Variants in PON3 observed in about 807,000 individuals in gnomAD.
PON3 encodes serum paraoxonase/lactonase 3.
Under a neutral mutation model 36.3 loss-of-function variants are expected in PON3, and 37 were observed. The observed-to-expected ratio is 1.02, with a 90% confidence interval of 0.78 to 1.34. PON3 has a LOEUF of 1.34. Ranked by LOEUF, PON3 falls within the 40% of genes most tolerant of loss-of-function variation. PON3 has a pLI of 0.00. For synonymous variants in PON3, 155 were observed against 154.8 expected, an observed-to-expected ratio of 1.00 and a Z score of -0.01; for missense variants, 415 against 426.5, an observed-to-expected ratio of 0.97 and a Z score of 0.24.
At chr7:95,396,240 AAG>A (rs17879761) in intron 1 of PON3, 35 bp downstream of exon 1, 23,924 of 1,606,742 alleles carry the variant, frequency 0.015, 519 homozygotes, top group African/African-American at 0.097. Flanking sequence ...AGAGGAGAGA[AAG>A]AGAGTCGAAG....
intron 3 of PON3, among the ~76,000 whole-genome samples, chr7:95,375,584 T>G (rs1808899307): frequency 1.3e-5 from 2 of 152,220 alleles, no homozygotes; most frequent in Middle Eastern, 3.4e-3. Context: ...CAATGGCAAG[T>G]ACCTTGGTAG....
chr7:95,383,546 T>G (rs1045671899), intron 3 of PON3, among the ~76,000 whole-genome samples: 2 of 152,102 alleles, frequency 1.3e-5, no homozygotes, highest in Admixed American at 1.3e-4. Flanking sequence ...ACAAGCATTC[T>G]TATACACCAA....
At position 95,362,476 on chromosome 7, in the gene PON3, G is replaced by A; in HGVS notation, c.792C>T (p.Gly264=). 11 of 1,613,674 alleles carry A rather than the reference G, an allele frequency of 6.8e-6. No homozygotes were observed. The highest frequency in any genetic ancestry group is 9.3e-6 in the Non-Finnish European group (11 of 1,179,768). ...DLTQLKVIQL[G]TLVDNLTVDP... ...CGACAGTCAGGTTATCCACTAAGGT[G>A]CCCAACTGTATCACCTTACAACAAA... The change falls in exon 8 of 9, where the codon GGC becomes GGT. Residue 264 remains glycine (G), a synonymous_variant. Transcript: ENST00000265627.
chr7:95,380,923 A>G (rs1184318742), intron 3 of PON3, among the ~76,000 whole-genome samples: 5 of 152,210 alleles, frequency 3.3e-5, no homozygotes, highest in African/African-American at 4.8e-5. Flanking sequence ...GGTTGAAATG[A>G]AGGAAAAAAT....
At chr7:95,373,529 G>T (rs1808853504) in intron 3 of PON3, among the ~76,000 whole-genome samples, 1 of 152,148 alleles carries the variant, frequency 6.6e-6, no homozygotes, top group South Asian at 2.1e-4. Context: ...CTGGAGAAGG[G>T]ATTGGCATGT....
At chr7:95,394,449 G>A (rs1036824620) in intron 2 of PON3, among the ~76,000 whole-genome samples, 195 bp downstream of exon 2, 1 of 152,138 alleles carries the variant, frequency 6.6e-6, no homozygotes, top group Non-Finnish European at 1.5e-5. Context: ...GTAAGGAAAT[G>A]TGCTGAGAAA....
At chr7:95,390,783 G>A (rs953434429) in intron 2 of PON3, among the ~76,000 whole-genome samples, 1 of 152,132 alleles carries the variant, frequency 6.6e-6, no homozygotes, top group African/African-American at 2.4e-5. Flanking sequence ...GTAAGAGCTA[G>A]TTTTCAGCAT....
rs1359881917 is a variant in PON3, at chr7:95,396,299, CG to C, written c.51del (p.Glu19ArgfsTer10). On this transcript the variant is annotated frameshift_variant, in exon 1 of 9. Coordinates refer to ENST00000265627, the MANE Select transcript of PON3 (RefSeq NM_000940.3). LOFTEE classifies it high-confidence loss of function. The part of the protein sequence containing the change: ...LVLLGVGLSL[V>X]GEMFLAFRER... Reference sequence around the variant, plus strand: ...CACCTAAACGCCAGGAACATCTCCCCGACTAAGGACAGGCCGACCCCCAGCA... The same window carrying C: ...CACCTAAACGCCAGGAACATCTCCCCACTAAGGACAGGCCGACCCCCAGCA... 6.2e-7 allele frequency: 1 copy of C among 1,613,986 alleles called. No homozygotes were observed.
intron 3 of PON3, among the ~76,000 whole-genome samples, chr7:95,378,123 A>G (rs377366485): frequency 6.6e-6 from 1 of 152,174 alleles, no homozygotes; most frequent in Admixed American, 6.5e-5. Context: ...ACAAGCTTCA[A>G]TAGCCGATTT....
intron 3 of PON3, among the ~76,000 whole-genome samples, chr7:95,376,154 G>T (rs1361641233): frequency 6.6e-6 from 1 of 152,130 alleles, no homozygotes; most frequent in Non-Finnish European, 1.5e-5. Flanking sequence ...CATTGAAGAG[G>T]CACCTCACCC....
chr7:95,388,094 T>A (rs774051292), intron 3 of PON3, among the ~76,000 whole-genome samples: 3 of 149,284 alleles, frequency 2.0e-5, no homozygotes, highest in Non-Finnish European at 4.4e-5. Flanking sequence ...ACAAATGGGA[T>A]CTAATTAAAC....
chr7:95,362,983 A>C, intron 6 of PON3, 142 bp from the exon 7 acceptor site: 1 of 676,124 alleles, frequency 1.5e-6, no homozygotes, highest in South Asian at 1.6e-5. Flanking sequence ...AAAGAAGATA[A>C]TGGGGTAGTA....
rs376600550 is a variant in PON3 at position 95,360,085 on chromosome 7, G to A, written c.953C>T (p.Thr318Ile). The A allele has an allele frequency of 1.2e-6, 2 of 1,613,658 alleles. No individual in the cohort carries two copies. The change falls in exon 9 of 9, where the codon ACC (threonine) becomes ATC (isoleucine). Residue 318 changes from threonine (T) to isoleucine (I), a missense_variant. By Grantham distance (89) the Thr-to-Ile change is moderately conservative. Coordinates refer to ENST00000265627, the MANE Select transcript of PON3 (RefSeq NM_000940.3). The stretch of plus-strand genomic sequence containing the variant: ...CACAGAGCCATTGTTGGCATACACG[G>A]TGCTCACCCTGGGCTTCTCAGACAA... ...NVLSEKPRVS[T>I]VYANNGSVLQ... is the part of the protein sequence containing the mutation.
intron 4 of PON3, among the ~76,000 whole-genome samples, chr7:95,368,886 A>T (rs1242541099): frequency 6.6e-6 from 1 of 152,088 alleles, no homozygotes; most frequent in Non-Finnish European, 1.5e-5. Flanking sequence ...ATCCCATGCA[A>T]TGAAATAGTT....
chr7:95,379,651 G>C (rs945145893), intron 3 of PON3, among the ~76,000 whole-genome samples: 17 of 152,222 alleles, frequency 1.1e-4, no homozygotes, highest in Non-Finnish European at 2.9e-5. Flanking sequence ...CAGCGAGGCT[G>C]GGGGAGGGGC....
intron 3 of PON3, among the ~76,000 whole-genome samples, chr7:95,386,881 A>C (rs543246602): frequency 1.3e-5 from 2 of 152,296 alleles, no homozygotes; most frequent in East Asian, 3.9e-4. Flanking sequence ...CCAATGACAA[A>C]AACCACATGA....
chr7:95,364,384 A>G, intron 5 of PON3: 1 of 388,558 alleles, frequency 2.6e-6, no homozygotes, highest in East Asian at 6.0e-5. Context: ...GTTGTAGTGC[A>G]GTTCACTGAT....
intron 2 of PON3, among the ~76,000 whole-genome samples, chr7:95,393,118 G>A (rs1485563928): frequency 6.6e-6 from 1 of 152,126 alleles, no homozygotes; most frequent in Admixed American, 6.5e-5. Flanking sequence ...GAAATTGAGA[G>A]GCAAGAAAAG....
chr7:95,387,992 T>G (rs762847345), intron 3 of PON3, among the ~76,000 whole-genome samples: 24 of 152,080 alleles, frequency 1.6e-4, no homozygotes, highest in Admixed American at 2.6e-4. Flanking sequence ...TCAAGATGGA[T>G]TAAAGACTTA....
Sources: gnomAD v4.1 joint callset for allele counts (sites outside exome capture counted in the v4.1 genomes callset) on GRCh38, gnomAD v4.1.1 for gene constraint, MANE v1.5 for transcripts, NCBI Gene and HGNC (gene_info 2026-07-23, HGNC 2026-07-21) for gene names.